FRMD4A: variants seen among roughly 807,000 people sequenced by gnomAD.
FRMD4A encodes FERM domain containing 4A, also known as FERM domain-containing protein 4A.
In FRMD4A, 29 loss-of-function variants were observed where a neutral mutation model predicts 129.1. The ratio of observed to expected loss-of-function variants is 0.22; its 90% CI spans 0.17 to 0.31. FRMD4A has a LOEUF of 0.31. FRMD4A is among the 10% of genes least tolerant of loss of function. FRMD4A has a pLI of 1.00. For synonymous variants in FRMD4A, 634 were observed against 571.6 expected, an observed-to-expected ratio of 1.11 and a Z score of -1.56; for missense variants, 1,272 against 1,375.8, an observed-to-expected ratio of 0.92 and a Z score of 1.19.
intron 2 of FRMD4A, among the ~76,000 whole-genome samples, chr10:14,098,615 G>A (rs1320657884): frequency 6.6e-6 from 1 of 151,936 alleles, no homozygotes; most frequent in Non-Finnish European, 1.5e-5. Flanking sequence ...TCAGCGTGTT[G>A]GCCAGGATGG....
At chr10:14,301,751 C>T (rs1422864537) in intron 2 of FRMD4A, among the ~76,000 whole-genome samples, 2 of 152,152 alleles carry the variant, frequency 1.3e-5, no homozygotes, top group South Asian at 2.1e-4. Context: ...TTCAGAAATG[C>T]TAAATTCACA....
chr10:13,853,903 T>G (rs1330172393), intron 3 of FRMD4A, among the ~76,000 whole-genome samples: 1 of 145,702 alleles, frequency 6.9e-6, no homozygotes, highest in Non-Finnish European at 1.5e-5. Flanking sequence ...TCATCTAAAG[T>G]GATGGGGAGA....
chr10:14,113,656 A>T (rs1303762360), intron 2 of FRMD4A, among the ~76,000 whole-genome samples: 1 of 152,114 alleles, frequency 6.6e-6, no homozygotes, highest in East Asian at 1.9e-4. Context: ...TAAAAAAGCC[A>T]TTTTCAGAAA....
chr10:14,192,041 C>T (rs1440397571), intron 2 of FRMD4A, among the ~76,000 whole-genome samples: 2 of 152,172 alleles, frequency 1.3e-5, no homozygotes, highest in African/African-American at 4.8e-5. Context: ...ACACTTTAAG[C>T]CAGAGTTGCT....
chr10:13,863,446 C>A (rs904103644), intron 2 of FRMD4A, among the ~76,000 whole-genome samples: 1 of 151,438 alleles, frequency 6.6e-6, no homozygotes, highest in Non-Finnish European at 1.5e-5. Context: ...AAAAATTAGC[C>A]GGGCATGGTG....
At chr10:14,087,825 T>C (rs1364347141) in intron 2 of FRMD4A, among the ~76,000 whole-genome samples, 1 of 152,192 alleles carries the variant, frequency 6.6e-6, no homozygotes, top group African/African-American at 2.4e-5. Context: ...AATCAGTAAT[T>C]AATCTAAACA....
At chr10:13,970,772 G>A (rs2095513127) in intron 2 of FRMD4A, among the ~76,000 whole-genome samples, 1 of 152,140 alleles carries the variant, frequency 6.6e-6, no homozygotes, top group Non-Finnish European at 1.5e-5. Flanking sequence ...AAGTCTCCGC[G>A]GCCAGCAGGG....
chr10:14,296,146 G>C (rs1383590314), intron 2 of FRMD4A, among the ~76,000 whole-genome samples: 2 of 152,094 alleles, frequency 1.3e-5, no homozygotes, highest in Non-Finnish European at 2.9e-5. Context: ...ATAGAGCCAA[G>C]GGAGACTGGG....
intron 3 of FRMD4A, among the ~76,000 whole-genome samples, chr10:13,833,444 T>C (rs2093821939): frequency 6.6e-6 from 1 of 152,126 alleles, no homozygotes; most frequent in Non-Finnish European, 1.5e-5. Context: ...ATTATTACAA[T>C]TCAAGGTGAG....
At chr10:13,735,714 T>C (rs1000951127) in intron 12 of FRMD4A, among the ~76,000 whole-genome samples, 3 of 152,252 alleles carry the variant, frequency 2.0e-5, no homozygotes, top group African/African-American at 7.2e-5. Flanking sequence ...TTATCTCTGC[T>C]GTAGACCTCA....
At chr10:14,025,949 A>T (rs1832967411) in intron 2 of FRMD4A, among the ~76,000 whole-genome samples, 1 of 152,188 alleles carries the variant, frequency 6.6e-6, no homozygotes, top group Admixed American at 6.5e-5. Context: ...TCTCTCAGGG[A>T]CACGTGGCTG....
rs562254433 is a variant in FRMD4A at position 13,871,740 on chromosome 10, C to T, written c.46-12828G>A. On this transcript the variant is annotated intron_variant, in intron 2 of 24. Transcript: ENST00000357447. ...ACAGCTGTTAGATCCTCTTGCATCT[C>T]GCAGACTCAGTGGACTGCTGGGGAT... Among the ~76,000 whole-genome samples, 4 of 152,336 alleles carry T rather than the reference C, an allele frequency of 2.6e-5. 1 individual carries two copies. Among genetic ancestry groups the T allele is most frequent in the South Asian group, 4.1e-4 (2 of 4,824 alleles).
At chr10:14,000,659 A>AAAAAAAAAAAAG (rs2095639017) in intron 2 of FRMD4A, among the ~76,000 whole-genome samples, 1 of 137,322 alleles carries the variant, frequency 7.3e-6, no homozygotes, top group African/African-American at 2.5e-5. Context: ...AAAAAAAAAA[A>AAAAAAAAAAAAG]AAAAAAAAAG....
chr10:14,036,536 T>C (rs553947930), intron 2 of FRMD4A, among the ~76,000 whole-genome samples: 3 of 152,338 alleles, frequency 2.0e-5, no homozygotes, highest in African/African-American at 7.2e-5. Context: ...GCATTTGTAC[T>C]TTCTGGGTGA....
intron 2 of FRMD4A, among the ~76,000 whole-genome samples, chr10:14,097,939 CATATATTATATACAAATTAT>C (rs1290962174): frequency 7.0e-6 from 1 of 142,490 alleles, no homozygotes; most frequent in African/African-American, 2.6e-5. Context: ...TTGTATATTA[CATATATTATATACAAATTAT>C]ATATATTATA....
chr10:13,768,893 T>C (rs1466033391), intron 6 of FRMD4A, among the ~76,000 whole-genome samples: 2 of 152,198 alleles, frequency 1.3e-5, no homozygotes, highest in Non-Finnish European at 2.9e-5. Flanking sequence ...ATATTATTTA[T>C]TTCTGCTGAT....
intron 2 of FRMD4A, among the ~76,000 whole-genome samples, chr10:13,973,090 T>C (rs1431263338): frequency 6.6e-6 from 1 of 152,234 alleles, no homozygotes; most frequent in East Asian, 1.9e-4. Context: ...ACTTATTTCT[T>C]GATCTGACCG....
rs527572750 is a variant in FRMD4A, at chr10:13,878,692, G to T, written c.46-19780C>A. Among the ~76,000 whole-genome samples, 23 of 152,142 alleles carry T rather than the reference G, an allele frequency of 1.5e-4. 1 individual carries two copies. In the South Asian group the frequency reaches 4.8e-3, roughly 32 times the overall value. On this transcript the variant is annotated intron_variant, in intron 2 of 24. Transcript: ENST00000357447. ...CACTTGAACCCGGGAGGCGGAGGTT[G>T]CAGTGAGCCGAGATCACGCTACTGC... is the stretch of plus-strand genomic sequence containing the variant.
intron 2 of FRMD4A, among the ~76,000 whole-genome samples, chr10:14,312,958 A>G (rs564626143): frequency 6.6e-6 from 1 of 152,364 alleles, no homozygotes; most frequent in South Asian, 2.1e-4. Context: ...CCAAAAGGAT[A>G]CACAAGAAAC....
Sources: allele counts gnomAD v4.1 joint callset (sites outside exome capture counted in the v4.1 genomes callset), GRCh38; gene constraint gnomAD v4.1.1; transcripts MANE v1.5; gene names NCBI Gene and HGNC (gene_info 2026-07-23, HGNC 2026-07-21).